The following MEF2C variants were observed in gnomAD, a reference collection of about 807,000 sequenced individuals.
MEF2C encodes the protein myocyte enhancer factor 2C.
MEF2C carries 6 observed loss-of-function variants against 50.5 expected under a neutral mutation model. The ratio of observed to expected loss-of-function variants is 0.12; its 90% confidence interval spans 0.07 to 0.23. The LOEUF is 0.23. MEF2C is among the 10% of genes least tolerant of loss of function. The pLI is 1.00. For synonymous variants in MEF2C, 183 were observed against 228.0 expected (o/e 0.80, Z 1.78); for missense variants, 276 against 605.0 (o/e 0.46, Z 5.70).
intron 7 of MEF2C, 118 bp from the exon 8 acceptor site, chr5:88,730,352 T>C: frequency 1.8e-6 from 2 of 1,103,786 alleles, no homozygotes; most frequent in Middle Eastern, 2.0e-4. Context: ...TAAACAGTTT[T>C]AAAACCCAGA....
chr5:88,887,181 A>G (rs1408017321), upstream of MEF2C, among the ~76,000 whole-genome samples: 1 of 152,248 alleles, frequency 6.6e-6, no homozygotes, highest in Non-Finnish European at 1.5e-5. Flanking sequence ...AGAAAAATCT[A>G]AAAAGCAGTG....
chr5:88,741,165 C>T, intron 6 of MEF2C: 2 of 985,406 alleles, frequency 2.0e-6, no homozygotes, highest in Non-Finnish European at 2.4e-6. Context: ...GTGAAGCCTA[C>T]TGGTGTGCTC....
intron 6 of MEF2C, chr5:88,733,491 T>C (rs958081227): frequency 1.6e-5 from 16 of 985,236 alleles, no homozygotes; most frequent in Non-Finnish European, 1.8e-5. Flanking sequence ...CAGGAATTAG[T>C]AAGGCCTGCT....
intron 2 of MEF2C, among the ~76,000 whole-genome samples, chr5:88,822,416 G>A (rs1417497368): frequency 6.6e-6 from 1 of 151,854 alleles, no homozygotes; most frequent in Non-Finnish European, 1.5e-5. Context: ...GAAACGATGT[G>A]CATGAAAACA....
intron 1 of MEF2C, among the ~76,000 whole-genome samples, chr5:88,832,236 C>T (rs552500570): frequency 3.9e-5 from 6 of 152,036 alleles, no homozygotes; most frequent in Non-Finnish European, 7.4e-5. Flanking sequence ...AAATAATACA[C>T]GTGTTTAAAC....
chr5:88,821,957 AG>A (rs1234015596), intron 2 of MEF2C, among the ~76,000 whole-genome samples: 1 of 151,982 alleles, frequency 6.6e-6, no homozygotes, highest in Non-Finnish European at 1.5e-5. Flanking sequence ...TGCTTGAGGT[AG>A]GTATACCTCA....
At chr5:88,786,995 C>G (rs1453220185) in intron 3 of MEF2C, among the ~76,000 whole-genome samples, 1 of 152,174 alleles carries the variant, frequency 6.6e-6, no homozygotes, top group Non-Finnish European at 1.5e-5. Flanking sequence ...GAATGCTTAG[C>G]AAATGATCTT....
chr5:88,879,031 ATC>A (rs1831985652), intron 1 of MEF2C, among the ~76,000 whole-genome samples: 1 of 152,082 alleles, frequency 6.6e-6, no homozygotes, highest in Admixed American at 6.6e-5. Flanking sequence ...CAGATGAAAC[ATC>A]TCATTCACTA....
rs1491410617 is a variant in MEF2C at position 88,797,454 on chromosome 5, CCT to C, written c.258+7142_258+7143del. 1.2e-3 allele frequency among the ~76,000 whole-genome samples: 31 copies of C among 25,220 alleles called. 4 individuals carry two copies. Among genetic ancestry groups the C allele is most frequent in the Non-Finnish European group, 1.5e-3 (16 of 10,734 alleles). 16.5% of individuals were successfully genotyped at this position (25,220 alleles called of 152,430 possible). A position where few individuals can be genotyped will look rare whatever the true frequency, so the allele number is the denominator to read the frequency against. ...TCACAGACTAGGATTGCAACCCTTG[CCT>C]TTTTTTTTTTTTTTTTTTTTTTTTT... On this transcript the variant is annotated intron_variant, in intron 3 of 10. Coordinates refer to ENST00000504921, the MANE Select transcript of MEF2C (RefSeq NM_002397.5).
chr5:88,846,311 AC>A (rs927887503), intron 1 of MEF2C, among the ~76,000 whole-genome samples: 4 of 151,982 alleles, frequency 2.6e-5, no homozygotes, highest in Non-Finnish European at 5.9e-5. Context: ...CAGATGATCC[AC>A]CCACCTCTGC....
intron 5 of MEF2C, chr5:88,751,527 G>C (rs1472921383): frequency 1.0e-6 from 1 of 985,280 alleles, no homozygotes; most frequent in Non-Finnish European, 1.2e-6. Flanking sequence ...GAGGGAAAAT[G>C]GCATTTTAGG....
At chr5:88,820,621 A>G (rs907656006) in intron 2 of MEF2C, among the ~76,000 whole-genome samples, 2 of 152,050 alleles carry the variant, frequency 1.3e-5, no homozygotes, top group African/African-American at 4.8e-5. Context: ...GTCTTTGACA[A>G]CTTTTAAGAA....
chr5:88,773,414 G>T (rs1783302635), intron 3 of MEF2C, among the ~76,000 whole-genome samples: 2 of 152,006 alleles, frequency 1.3e-5, no homozygotes, highest in South Asian at 4.1e-4. Flanking sequence ...ATTATAAAAG[G>T]AAAAAATCAC....
At chr5:88,759,728 T>C (rs1561867460) in intron 4 of MEF2C, among the ~76,000 whole-genome samples, 2 of 152,244 alleles carry the variant, frequency 1.3e-5, no homozygotes, top group African/African-American at 4.8e-5. Flanking sequence ...CATGATACAG[T>C]GTATTAATAA....
At chr5:88,795,253 A>G (rs747241865) in intron 3 of MEF2C, among the ~76,000 whole-genome samples, 15 of 152,104 alleles carry the variant, frequency 9.9e-5, no homozygotes, top group Non-Finnish European at 2.2e-4. Flanking sequence ...CATTTTCACG[A>G]TATAGATTCT....
Position 88,804,760 on chromosome 5 carries a change from A to G in MEF2C, c.96T>C (p.Ala32=). Reference sequence around the variant, plus strand: ...AGTCACACAGCACGCTCAGCTCATAAGCCTTCTTCATCAACCCAAATTTCC... The same window carrying G: ...AGTCACACAGCACGCTCAGCTCATAGGCCTTCTTCATCAACCCAAATTTCC... ...TKRKFGLMKK[A]YELSVLCDCE... is the part of the protein sequence containing the mutation. The change falls in exon 3 of 11, where the codon GCT becomes GCC. Residue 32 remains alanine (A), a synonymous_variant. Coordinates refer to ENST00000504921, the MANE Select transcript of MEF2C (RefSeq NM_002397.5). 1 of 1,614,168 alleles carries G rather than the reference A, an allele frequency of 6.2e-7. No individual in the cohort carries two copies. Among genetic ancestry groups the G allele is most frequent in the Non-Finnish European group, 8.5e-7 (1 of 1,179,996 alleles).
chr5:88,746,545 C>T (rs1769754488), intron 6 of MEF2C: 2 of 984,858 alleles, frequency 2.0e-6, no homozygotes, highest in Non-Finnish European at 2.4e-6. Context: ...TCAAGAGTTT[C>T]AAACTTTATC....
intron 1 of MEF2C, chr5:88,825,556 TA>T (rs1369926664): frequency 1.3e-5 from 13 of 979,712 alleles, no homozygotes; most frequent in African/African-American, 5.3e-5. Context: ...CAAATACATA[TA>T]AAAATAGTTA....
intron 3 of MEF2C, among the ~76,000 whole-genome samples, chr5:88,767,775 T>G (rs185348718): frequency 7.2e-5 from 11 of 152,320 alleles, no homozygotes; most frequent in Admixed American, 3.3e-4. Context: ...ACACACTAAT[T>G]AAAGATTTGA....
Sources: gnomAD v4.1 joint callset for allele counts (sites outside exome capture counted in the v4.1 genomes callset) on GRCh38, gnomAD v4.1.1 for gene constraint, MANE v1.5 for transcripts, NCBI Gene and HGNC (gene_info 2026-07-23, HGNC 2026-07-21) for gene names.